KLF12: variants seen among roughly 807,000 people sequenced by gnomAD.
The protein encoded by KLF12 is KLF transcription factor 12, also known as Krueppel-like factor 12.
A neutral mutation model predicts 37.8 loss-of-function variants in KLF12; 9 were observed. That is an observed-to-expected ratio of 0.24 (90% CI 0.14 to 0.42). KLF12 has a LOEUF of 0.42. Ranked by LOEUF, KLF12 falls within the 10% of genes least tolerant of loss-of-function variation. KLF12 has a pLI of 1.00. For missense variants in KLF12, 411 were observed against 516.0 expected, an observed-to-expected ratio of 0.80 and a Z score of 1.97; for synonymous variants, 208 against 202.1, an observed-to-expected ratio of 1.03 and a Z score of -0.25.
chr13:74,146,252 C>T, the KLF12 span, among the ~76,000 whole-genome samples: 1 of 152,206 alleles, frequency 6.6e-6, no homozygotes, highest in Non-Finnish European at 1.5e-5. Flanking sequence ...ACTTTCCTGC[C>T]GCTCTATGAG....
At chr13:74,099,296 A>C (rs12323302) in intron 1 of KLF12, among the ~76,000 whole-genome samples, 70,211 of 151,956 alleles carry the variant, frequency 0.46, 17,269 homozygotes, top group Middle Eastern at 0.61. Flanking sequence ...CAGTGAGCTA[A>C]GATCAAGGCC....
chr13:74,180,953 T>A, the KLF12 span, among the ~76,000 whole-genome samples: 1 of 152,162 alleles, frequency 6.6e-6, no homozygotes, highest in Admixed American at 6.6e-5. Flanking sequence ...ACCAATCTGA[T>A]TGTTTCAGGT....
chr13:73,902,580 T>C (rs1020783221), intron 3 of KLF12, among the ~76,000 whole-genome samples: 2 of 152,240 alleles, frequency 1.3e-5, no homozygotes, highest in African/African-American at 4.8e-5. Flanking sequence ...GGCATGACTT[T>C]AGGTGTTACT....
intron 4 of KLF12, among the ~76,000 whole-genome samples, chr13:73,830,797 C>T (rs1355776397): frequency 6.6e-6 from 1 of 152,098 alleles, no homozygotes; most frequent in African/African-American, 2.4e-5. Flanking sequence ...CCAGATATGT[C>T]TAAAAATGAC....
chr13:73,710,700 C>G (rs1875322211), intron 7 of KLF12, among the ~76,000 whole-genome samples: 1 of 152,122 alleles, frequency 6.6e-6, no homozygotes, highest in African/African-American at 2.4e-5. Context: ...CAGCTGCTAC[C>G]CCATCTTACT....
chr13:74,182,836 T>G, the KLF12 span, among the ~76,000 whole-genome samples: 3 of 151,812 alleles, frequency 2.0e-5, no homozygotes, highest in Non-Finnish European at 2.9e-5. Context: ...TTAAATACTT[T>G]AGCCTTTTTT....
At chr13:73,794,817 C>T (rs1881873405) in intron 5 of KLF12, among the ~76,000 whole-genome samples, 1 of 152,150 alleles carries the variant, frequency 6.6e-6, no homozygotes, top group African/African-American at 2.4e-5. Flanking sequence ...ATTAACCTGT[C>T]CCTATGCAAG....
intron 2 of KLF12, among the ~76,000 whole-genome samples, chr13:73,964,259 G>A (rs557100675): frequency 6.6e-6 from 1 of 152,142 alleles, no homozygotes; most frequent in Non-Finnish European, 1.5e-5. Flanking sequence ...GAGACATAAA[G>A]AGTCCACAAG....
the KLF12 span, among the ~76,000 whole-genome samples, chr13:74,302,468 G>A: frequency 2.0e-5 from 3 of 152,010 alleles, no homozygotes; most frequent in African/African-American, 4.8e-5. Context: ...TTCTCTGGTT[G>A]TGAGCAGCTG....
intron 3 of KLF12, among the ~76,000 whole-genome samples, chr13:73,942,209 C>T (rs983188357): frequency 6.6e-6 from 1 of 152,094 alleles, no homozygotes; most frequent in African/African-American, 2.4e-5. Flanking sequence ...CTGGCTTTGA[C>T]CATTGGTCTG....
the KLF12 span, among the ~76,000 whole-genome samples, chr13:74,186,056 A>G: frequency 6.6e-6 from 1 of 152,174 alleles, no homozygotes; most frequent in Non-Finnish European, 1.5e-5. Flanking sequence ...ACTTTAGAGT[A>G]CTGAGGGTTT....
intron 1 of KLF12, among the ~76,000 whole-genome samples, chr13:74,128,670 G>T (rs773766962): frequency 1.3e-5 from 2 of 152,110 alleles, no homozygotes; most frequent in African/African-American, 2.4e-5. Flanking sequence ...ATGAAGGAAG[G>T]TTTTCTTTAC....
chr13:74,247,718 C>A, the KLF12 span, among the ~76,000 whole-genome samples: 1 of 152,114 alleles, frequency 6.6e-6, no homozygotes, highest in East Asian at 1.9e-4. Flanking sequence ...GCAATCCTCC[C>A]ACCTTGACCT....
At chr13:73,699,192 AC>A (rs1228830131) in intron 7 of KLF12, among the ~76,000 whole-genome samples, 2 of 23,372 alleles carry the variant, frequency 8.6e-5, no homozygotes, top group East Asian at 1.6e-3. Context: ...GAGCCCCCCC[AC>A]CCCCCCACTG....
At chr13:74,129,566 G>A (rs1233769500) in intron 1 of KLF12, among the ~76,000 whole-genome samples, 2 of 152,078 alleles carry the variant, frequency 1.3e-5, no homozygotes, top group Non-Finnish European at 2.9e-5. Flanking sequence ...AGCAGTAAGG[G>A]CTTCCTGCTA....
chr13:74,269,394 C>T, the KLF12 span, among the ~76,000 whole-genome samples: 1 of 151,992 alleles, frequency 6.6e-6, no homozygotes, highest in African/African-American at 2.4e-5. Context: ...TAGAGCACAC[C>T]ACTATTTCAT....
chr13:74,093,494 T>C (rs1219796709), intron 1 of KLF12, among the ~76,000 whole-genome samples: 3 of 152,214 alleles, frequency 2.0e-5, no homozygotes, highest in Admixed American at 6.5e-5. Flanking sequence ...ACAGAGCTCA[T>C]AGAATTGGGC....
intron 6 of KLF12, among the ~76,000 whole-genome samples, chr13:73,732,507 G>A (rs567347915): frequency 6.6e-6 from 1 of 152,206 alleles, no homozygotes; most frequent in East Asian, 1.9e-4. Context: ...GTTATTCCAA[G>A]CACCTGAAAC....
At position 74,100,037 on chromosome 13, in the gene KLF12, T is replaced by C. The variant is rs115865023; in HGVS notation, c.-32+33702A>G. 6.8e-3 allele frequency among the ~76,000 whole-genome samples: 1,033 copies of C among 150,936 alleles called. 19 individuals carry two copies. Among genetic ancestry groups the C allele is most frequent in the African/African-American group, 0.024 (976 of 41,084 alleles). On this transcript the variant is annotated intron_variant, in intron 1 of 7. Coordinates refer to ENST00000377669, the MANE Select transcript of KLF12 (RefSeq NM_007249.5). ...GTCCACTGACACCAAGTACACAGAG[T>C]GTGGAGGGGAGAGAGAGCACGCAGC... is the stretch of plus-strand genomic sequence containing the variant.
Sources: allele counts gnomAD v4.1 joint callset (sites outside exome capture counted in the v4.1 genomes callset), GRCh38; gene constraint gnomAD v4.1.1; transcripts MANE v1.5; gene names NCBI Gene and HGNC (gene_info 2026-07-23, HGNC 2026-07-21).